CHRNB4: variants seen among roughly 807,000 people sequenced by gnomAD.
CHRNB4 encodes the protein neuronal acetylcholine receptor subunit beta-4.
CHRNB4 carries 23 observed loss-of-function variants against 40.4 expected under a neutral mutation model. The observed-to-expected ratio is 0.57, with a 90% CI of 0.41 to 0.81. The LOEUF is 0.81. Ranked by LOEUF, CHRNB4 falls within the 30% of genes least tolerant of loss-of-function variation. The probability of loss-of-function intolerance (pLI) is 0.00; values close to 1 mark genes in which losing one functional copy is unlikely to be tolerated. For synonymous variants in CHRNB4, 285 were observed against 274.4 expected, an observed-to-expected ratio of 1.04 and a Z score of -0.38; for missense variants, 568 against 670.6, an observed-to-expected ratio of 0.85 and a Z score of 1.69.
chr15:78,644,609 T>C (rs1031505195), upstream of CHRNB4, among the ~76,000 whole-genome samples: 9 of 152,156 alleles, frequency 5.9e-5, no homozygotes, highest in Non-Finnish European at 1.2e-4. Flanking sequence ...TATTTTGTTA[T>C]AGCACTACAA....
intron 5 of CHRNB4, chr15:78,627,748 C>T (rs1300540637): frequency 1.3e-5 from 2 of 152,230 alleles, no homozygotes; most frequent in Non-Finnish European, 2.9e-5. Context: ...CCACCACATT[C>T]TGTGTTGTTA....
In CHRNB4 at chr15:78,625,246, A is replaced by G; in HGVS notation, c.1384T>C (p.Phe462Leu). The G allele has an allele frequency of 1.3e-6, 2 of 1,571,160 alleles. No individual in the cohort carries two copies. Among genetic ancestry groups the G allele is most frequent in the Non-Finnish European group, 1.7e-6 (2 of 1,159,722 alleles). ...KYVAMVVDRL[F>L]LWVFMFVCVL... ...CACACAAACATGAACACCCACAGGA[A>G]CAGCCGGTCCACCACCATAGCCACG... Residue 462 changes from phenylalanine (F) to leucine (L), a missense_variant, in exon 6 of 6, where the codon TTC becomes CTC. Phe to Leu is a conservative substitution (Grantham distance 22). Transcript: ENST00000261751.
chr15:78,629,772 T>C lies in CHRNB4; in HGVS notation c.533A>G (p.His178Arg). 6.2e-7 allele frequency: 1 copy of C among 1,614,128 alleles called. No homozygotes were observed. Among genetic ancestry groups the C allele is most frequent in the Non-Finnish European group, 8.5e-7 (1 of 1,180,010 alleles). The change falls in exon 5 of 6, where the codon CAC (histidine) becomes CGC (arginine). Residue 178 changes from histidine to arginine, a missense_variant. Around this residue, in one of 4 missense-constraint regions of CHRNB4, gnomAD observed 127 missense variants for 167.4 expected, o/e 0.76. Transcript: ENST00000261751. This position sits in a 1 kb window ranked among gnomAD's most constrained non-coding sequence, Gnocchi z 6.8. ...TLKFRSWTYDHTEIDMVLMTP... is the reference protein window; with the variant it reads ...TLKFRSWTYDRTEIDMVLMTP... ...CATGAGGACCATGTCTATCTCCGTG[T>C]GGTCATAGGTCCAGGAGCGGAACTT...
chr15:78,659,056 A>G (rs994776785), intron 1 of CHRNB4, among the ~76,000 whole-genome samples: 2 of 152,210 alleles, frequency 1.3e-5, no homozygotes, highest in Non-Finnish European at 2.9e-5. Context: ...CTAGGGATAC[A>G]GTAGTGGACA....
At chr15:78,651,873 G>C (rs992425253) in intron 6 of CHRNB4, among the ~76,000 whole-genome samples, 1 of 152,208 alleles carries the variant, frequency 6.6e-6, no homozygotes, top group African/African-American at 2.4e-5. Flanking sequence ...CTTGAAAAGG[G>C]TTGCATCTGC....
chr15:78,656,487 A>C (rs911837644), exon 4 of CHRNB4: 1 of 152,148 alleles, frequency 6.6e-6, no homozygotes, highest in Non-Finnish European at 1.5e-5. Context: ...AATTTCACAC[A>C]TGCCCCATAA....
At position 78,641,152 on chromosome 15, in the gene CHRNB4, G is replaced by C; in HGVS notation, c.-19C>G. 1 of 1,541,880 alleles carries C rather than the reference G, an allele frequency of 6.5e-7. No homozygotes were observed. The highest frequency in any genetic ancestry group is 1.2e-5 in the South Asian group (1 of 83,724). On this transcript the variant is annotated 5_prime_UTR_variant, in exon 1 of 6. Coordinates refer to ENST00000261751, the MANE Select transcript of CHRNB4 (RefSeq NM_000750.5). ...GCCTCATGGCCGGCGGGGCCGGGTGGCAGCCGCCGCGAGCTCCGCTGTGGG... is the reference window on the plus strand; with the variant it reads ...GCCTCATGGCCGGCGGGGCCGGGTGCCAGCCGCCGCGAGCTCCGCTGTGGG...
At chr15:78,637,850 G>C (rs888552691) in intron 1 of CHRNB4, among the ~76,000 whole-genome samples, 9 of 152,288 alleles carry the variant, frequency 5.9e-5, no homozygotes, top group African/African-American at 2.2e-4. Context: ...GCTCTCCAGA[G>C]GGGGGTCCTA....
chr15:78,653,062 A>C (rs1001074098), intron 5 of CHRNB4, among the ~76,000 whole-genome samples: 3 of 152,092 alleles, frequency 2.0e-5, no homozygotes, highest in African/African-American at 7.2e-5. Context: ...CTGAGGCTTA[A>C]ATGGGATAAT....
chr15:78,646,057 CAAA>C (rs370310559), upstream of CHRNB4, among the ~76,000 whole-genome samples: 2 of 113,600 alleles, frequency 1.8e-5, no homozygotes, highest in Admixed American at 9.5e-5. Flanking sequence ...GAGACCGTCT[CAAA>C]AAAAAAAAAA....
At chr15:78,655,068 A>G (rs1182515733) in intron 5 of CHRNB4, among the ~76,000 whole-genome samples, 2 of 152,200 alleles carry the variant, frequency 1.3e-5, no homozygotes, top group Non-Finnish European at 2.9e-5. Flanking sequence ...GACAGCAAAC[A>G]TTTCCATAAT....
chr15:78,628,192 G>A (rs1015742924), intron 5 of CHRNB4: 1 of 152,256 alleles, frequency 6.6e-6, no homozygotes. Flanking sequence ...ATAAAAATCT[G>A]TAATTCTAGT....
chr15:78,661,254 G>A, upstream of CHRNB4: 1 of 604,422 alleles, frequency 1.7e-6, no homozygotes, highest in Non-Finnish European at 3.2e-6. Flanking sequence ...TGAGGATCTT[G>A]CCCCCTGCCC....
At chr15:78,647,879 A>AAAAAT (rs1212629432) in intron 7 of CHRNB4, among the ~76,000 whole-genome samples, 14 of 150,116 alleles carry the variant, frequency 9.3e-5, no homozygotes, top group Admixed American at 8.7e-4. Flanking sequence ...AAAAAAAAAA[A>AAAAAT]AAAAAAGAGA....
chr15:78,635,514 C>G lies in CHRNB4; in HGVS notation c.129G>C (p.Leu43=). ...DLLNKTRYNN[L]IRPATSSSQL... is the part of the protein sequence containing the mutation. Reference sequence around the variant, plus strand: ...GTGAGGAGCTGGTGGCTGGGCGGATCAGGTTATTGTAACGGGTTTTGTTCA... The same window carrying G: ...GTGAGGAGCTGGTGGCTGGGCGGATGAGGTTATTGTAACGGGTTTTGTTCA... The change falls in exon 2 of 6, where the codon CTG becomes CTC. Residue 43 remains leucine, a synonymous_variant. Coordinates refer to ENST00000261751, the MANE Select transcript of CHRNB4 (RefSeq NM_000750.5). 1.2e-6 allele frequency: 2 copies of G among 1,614,150 alleles called. No homozygotes were observed. The highest frequency in any genetic ancestry group is 8.5e-7 in the Non-Finnish European group (1 of 1,180,032).
At chr15:78,634,693 C>T (rs1478201597) in intron 2 of CHRNB4, 1 of 456,020 alleles carries the variant, frequency 2.2e-6, no homozygotes. Context: ...GCACTCTCCC[C>T]TTGTGAATGT....
intron 4 of CHRNB4, chr15:78,630,811 G>A (rs901554041): frequency 4.3e-6 from 2 of 460,502 alleles, no homozygotes; most frequent in Non-Finnish European, 8.0e-6. Context: ...AGGGTGCTGG[G>A]TTCAAGGTCA....
At chr15:78,635,408 A>G (rs1386816278) in intron 2 of CHRNB4, 31 bp downstream of exon 2, 2 of 1,608,918 alleles carry the variant, frequency 1.2e-6, no homozygotes. Context: ...TCTCCACCTG[A>G]GCCTGAGCCA....
intron 5 of CHRNB4, among the ~76,000 whole-genome samples, chr15:78,655,064 A>G (rs1473351631): frequency 6.6e-6 from 1 of 152,228 alleles, no homozygotes. Context: ...TTCAGACAGC[A>G]AACATTTCCA....
Sources: gnomAD v4.1 joint callset for allele counts (sites outside exome capture counted in the v4.1 genomes callset) on GRCh38, gnomAD v4.1.1 for gene constraint, gnomAD v4.1.1 regional missense constraint, Gnocchi (gnomAD v3.1) non-coding constraint, MANE v1.5 for transcripts, NCBI Gene and HGNC (gene_info 2026-07-23, HGNC 2026-07-21) for gene names.